The following PI4K2B variants were observed in gnomAD, a reference collection of about 807,000 sequenced individuals.
PI4K2B encodes phosphatidylinositol 4-kinase type 2-beta.
PI4K2B carries 46 observed loss-of-function variants against 56.6 expected under a neutral mutation model. That is an observed-to-expected ratio of 0.81 (90% CI 0.64 to 1.04). The LOEUF (loss-of-function observed/expected upper bound fraction) is 1.04. PI4K2B is among the 50% of genes least tolerant of loss of function. The pLI, the probability that PI4K2B is intolerant of heterozygous loss-of-function variation, is 0.00. For synonymous variants in PI4K2B, 211 were observed against 223.8 expected (o/e 0.94, Z 0.51); for missense variants, 556 against 607.7 (o/e 0.91, Z 0.89).
rs760393482 is a variant in PI4K2B at position 25,234,276 on chromosome 4, C to A, written c.113C>A (p.Pro38Gln). ...CTACCGCGGATCGCCTGGGCCCACC[C>A]GCGGAGAGGCGCCCCAGGCAGCGCC... ...PLLPRIAWAHPRRGAPGSAVR... is the reference protein window; with the variant it reads ...PLLPRIAWAHQRRGAPGSAVR... Residue 38 changes from proline (P) to glutamine (Q), a missense_variant, in exon 1 of 10, where the codon CCG (proline) becomes CAG (glutamine). By Grantham distance (76) the Pro-to-Gln change is moderately conservative. Transcript: ENST00000264864. The A allele has an allele frequency of 2.7e-5, 39 of 1,420,840 alleles. No individual in the cohort carries two copies. The highest frequency in any genetic ancestry group is 3.3e-5 in the Non-Finnish European group (36 of 1,083,366). 88.0% of individuals were successfully genotyped at this position (1,420,840 alleles called of 1,614,324 possible). A position where few individuals can be genotyped will look rare whatever the true frequency, so the allele number is the denominator to read the frequency against.
At chr4:25,269,493 G>A (rs554017833) in intron 9 of PI4K2B, among the ~76,000 whole-genome samples, 13 of 151,956 alleles carry the variant, frequency 8.6e-5, no homozygotes, top group Non-Finnish European at 1.3e-4. Flanking sequence ...AAAAAAATTA[G>A]CTGGGTGTGG....
Position 25,234,072 on chromosome 4 carries a change from C to A in PI4K2B, c.-92C>A. The A allele has an allele frequency of 1.8e-6, 2 of 1,096,106 alleles. No individual in the cohort carries two copies. Among genetic ancestry groups the A allele is most frequent in the South Asian group, 4.3e-5 (1 of 23,122 alleles). The allele number at this position is 1,096,106 out of a possible 1,614,324, so 67.9% of individuals were successfully genotyped here. A position where few individuals can be genotyped will look rare whatever the true frequency, so the allele number is the denominator to read the frequency against. ...GCTGGTGAGGTGGCGTCCGTTCTAC[C>A]CGGTCGCTCCCGTTCCGCGCCATGC... On this transcript the variant is annotated 5_prime_UTR_variant, in exon 1 of 10. Transcript: ENST00000264864.
At chr4:25,243,231 T>G (rs979643871) in intron 1 of PI4K2B, among the ~76,000 whole-genome samples, 1 of 152,244 alleles carries the variant, frequency 6.6e-6, no homozygotes, top group African/African-American at 2.4e-5. Context: ...AGTCCTGTTG[T>G]TGGATCATCT....
chr4:25,236,680 G>C (rs1715275859), intron 1 of PI4K2B, among the ~76,000 whole-genome samples: 1 of 152,178 alleles, frequency 6.6e-6, no homozygotes, highest in Non-Finnish European at 1.5e-5. Flanking sequence ...GAGGTAAATG[G>C]TTTGCCCGAA....
In PI4K2B at chr4:25,239,562, C is replaced by T. The variant is rs28858201; in HGVS notation, c.268+5131C>T. On this transcript the variant is annotated intron_variant, in intron 1 of 9. Coordinates refer to ENST00000264864, the MANE Select transcript of PI4K2B (RefSeq NM_018323.4). The stretch of plus-strand genomic sequence containing the variant: ...GCCAAGCCCATGCCCACCCGGAACT[C>T]GCGCTGGCCCGCAAGTGCCACACGC... 5.9e-3 allele frequency among the ~76,000 whole-genome samples: 353 copies of T among 60,296 alleles called. 1 individual carries two copies. Among genetic ancestry groups the T allele is most frequent in the African/African-American group, 0.011 (337 of 31,650 alleles). 39.6% of individuals were successfully genotyped at this position (60,296 alleles called of 152,430 possible).
chr4:25,238,358 T>G (rs1179281559), intron 1 of PI4K2B, among the ~76,000 whole-genome samples: 2 of 152,222 alleles, frequency 1.3e-5, no homozygotes, highest in East Asian at 3.8e-4. Context: ...TTAAAGTGAT[T>G]AATTTCATAA....
At chr4:25,250,947 A>T (rs1177673945) in intron 1 of PI4K2B, among the ~76,000 whole-genome samples, 1 of 152,196 alleles carries the variant, frequency 6.6e-6, no homozygotes, top group Admixed American at 6.5e-5. Context: ...TGGCCTAAGC[A>T]ACTGGAAGAT....
chr4:25,258,902 G>A (rs1440927683), intron 4 of PI4K2B, 135 bp from the exon 5 acceptor site: 2 of 474,082 alleles, frequency 4.2e-6, no homozygotes, highest in Admixed American at 7.6e-5. Context: ...TGATAAATGT[G>A]GCTTATCTAA....
intron 1 of PI4K2B, among the ~76,000 whole-genome samples, chr4:25,239,226 C>A (rs1394741632): frequency 1.3e-5 from 2 of 152,222 alleles, no homozygotes; most frequent in Non-Finnish European, 2.9e-5. Flanking sequence ...CCTGCCAGTC[C>A]CGTGCCTTGC....
rs1159935953 is a variant in PI4K2B at position 25,237,347 on chromosome 4, T to G, written c.268+2916T>G. Among the ~76,000 whole-genome samples, 6 of 152,258 alleles carry G rather than the reference T, an allele frequency of 3.9e-5. No homozygotes were observed. In the East Asian group the frequency reaches 1.2e-3, roughly 29 times the overall value. ...GTGATGTGAGTACTATTTTTGTTTT[T>G]TTTTTTTGTTTTTGGCAGTGGGTGG... On this transcript the variant is annotated intron_variant, in intron 1 of 9. Coordinates refer to ENST00000264864, the MANE Select transcript of PI4K2B (RefSeq NM_018323.4).
intron 8 of PI4K2B, among the ~76,000 whole-genome samples, chr4:25,268,781 C>T (rs1716758252): frequency 6.6e-6 from 1 of 152,176 alleles, no homozygotes; most frequent in South Asian, 2.1e-4. Flanking sequence ...TGAAGTGAGA[C>T]TACATTAAAA....
In PI4K2B at chr4:25,267,874, G is replaced by A. The variant is rs191479565; in HGVS notation, c.1079-569G>A. 1,538 of 983,582 alleles carry A rather than the reference G, an allele frequency of 1.6e-3. 5 individuals are homozygous for A. The highest frequency in any genetic ancestry group is 2.8e-3 in the Admixed American group (45 of 16,268). The allele number at this position is 983,582 out of a possible 1,614,324, so 60.9% of individuals were successfully genotyped here. ...GAACATCTTCTGTGTACAAGTAAGT[G>A]GTCAATTTCTGATGATTTGTAGCTG... is the stretch of plus-strand genomic sequence containing the variant. On this transcript the variant is annotated intron_variant, in intron 7 of 9. Transcript: ENST00000264864.
rs775557481 is a variant in PI4K2B, at chr4:25,269,130, C to A, written c.1213-14C>A. On this transcript the variant is annotated splice_polypyrimidine_tract_variant and intron_variant, in intron 8 of 9. Transcript: ENST00000264864. ...TCTTTATTTTGGGAATTGTTTTTTT[C>A]CTTTCTATAATAGACTGACAAAGGA... 4.7e-6 allele frequency: 7 copies of A among 1,479,940 alleles called. No individual in the cohort carries two copies. Among genetic ancestry groups the A allele is most frequent in the Non-Finnish European group, 5.6e-6 (6 of 1,075,200 alleles). The allele number at this position is 1,479,940 out of a possible 1,614,324, so 91.7% of individuals were successfully genotyped here.
At chr4:25,239,244 C>T (rs748092076) in intron 1 of PI4K2B, among the ~76,000 whole-genome samples, 2 of 152,246 alleles carry the variant, frequency 1.3e-5, no homozygotes, top group Non-Finnish European at 2.9e-5. Context: ...TGCGCCCACA[C>T]TCCTCAGCCC....
intron 1 of PI4K2B, among the ~76,000 whole-genome samples, chr4:25,248,414 G>C (rs1232702533): frequency 6.6e-6 from 1 of 152,110 alleles, no homozygotes; most frequent in Non-Finnish European, 1.5e-5. Context: ...TCTTGTCTTG[G>C]AGTTTCCTGG....
intron 4 of PI4K2B, among the ~76,000 whole-genome samples, chr4:25,257,149 G>A (rs574742032): frequency 6.6e-4 from 100 of 151,558 alleles, no homozygotes; most frequent in African/African-American, 2.3e-3. Context: ...CCTCGACCTC[G>A]TGGGCTCAGA....
chr4:25,274,529 A>T (rs561584118), intron 9 of PI4K2B, among the ~76,000 whole-genome samples: 1 of 152,202 alleles, frequency 6.6e-6, no homozygotes, highest in Admixed American at 6.5e-5. Flanking sequence ...TTTCCATCAC[A>T]CACAAGTATT....
At chr4:25,249,204 C>T (rs1560370298) in intron 1 of PI4K2B, among the ~76,000 whole-genome samples, 1 of 152,200 alleles carries the variant, frequency 6.6e-6, no homozygotes, top group Non-Finnish European at 1.5e-5. Context: ...TCTCCTATGT[C>T]TACTTCTTTC....
intron 2 of PI4K2B, among the ~76,000 whole-genome samples, chr4:25,253,842 G>A (rs1467507141): frequency 6.6e-6 from 1 of 152,146 alleles, no homozygotes; most frequent in Non-Finnish European, 1.5e-5. Context: ...CACAGTCTCG[G>A]CTCACTGCAA....
Sources: gnomAD v4.1 joint callset for allele counts (sites outside exome capture counted in the v4.1 genomes callset) on GRCh38, gnomAD v4.1.1 for gene constraint, MANE v1.5 for transcripts, NCBI Gene and HGNC (gene_info 2026-07-23, HGNC 2026-07-21) for gene names.